EYA4: variants seen among roughly 807,000 people sequenced by gnomAD.
EYA4 encodes the protein EYA transcriptional coactivator and phosphatase 4.
Under a neutral mutation model 87.9 loss-of-function variants are expected in EYA4, and 31 were observed. That is an observed-to-expected ratio of 0.35 (90% CI 0.27 to 0.48). EYA4 has a LOEUF of 0.48. Ranked by LOEUF, EYA4 falls within the 20% of genes least tolerant of loss-of-function variation. The pLI is 0.99. For synonymous variants in EYA4, 263 were observed against 270.6 expected (o/e 0.97, Z 0.28); for missense variants, 678 against 761.4 (o/e 0.89, Z 1.29).
At chr6:133,385,071 G>A (rs930426954) in intron 3 of EYA4, among the ~76,000 whole-genome samples, 4 of 151,848 alleles carry the variant, frequency 2.6e-5, no homozygotes, top group African/African-American at 4.8e-5. Context: ...AGGCCGAGGC[G>A]GGCAGATGAT....
At chr6:133,493,465 AATAT>A (rs1296268046) in intron 13 of EYA4, among the ~76,000 whole-genome samples, 3 of 152,284 alleles carry the variant, frequency 2.0e-5, no homozygotes, top group African/African-American at 4.8e-5. Flanking sequence ...TAAAGACTTA[AATAT>A]AAGATCTCAA....
intron 13 of EYA4, among the ~76,000 whole-genome samples, chr6:133,505,866 G>A (rs1583492001): frequency 6.6e-6 from 1 of 152,112 alleles, no homozygotes; most frequent in Admixed American, 6.6e-5. Context: ...ACAGCTTTAT[G>A]TGAAAATGTA....
chr6:133,273,101 A>G (rs1051413172), intron 1 of EYA4, among the ~76,000 whole-genome samples: 7 of 134,694 alleles, frequency 5.2e-5, no homozygotes, highest in South Asian at 4.3e-4. Context: ...ATATATGTAT[A>G]TATATATATA....
intron 13 of EYA4, among the ~76,000 whole-genome samples, chr6:133,494,306 G>A (rs1583452941): frequency 6.6e-6 from 1 of 152,136 alleles, no homozygotes; most frequent in African/African-American, 2.4e-5. Context: ...AGTGAAATAA[G>A]CCAGGCACAA....
At chr6:133,332,785 A>G (rs891512576) in intron 2 of EYA4, among the ~76,000 whole-genome samples, 4 of 147,406 alleles carry the variant, frequency 2.7e-5, no homozygotes, top group Admixed American at 6.9e-5. Flanking sequence ...GATGGTCTCA[A>G]TCTCCTGACC....
At chr6:133,287,795 A>T (rs762849681) in intron 2 of EYA4, among the ~76,000 whole-genome samples, 3 of 152,176 alleles carry the variant, frequency 2.0e-5, no homozygotes, top group Non-Finnish European at 4.4e-5. Context: ...AGTACGAGAG[A>T]TGGCTTAGGG....
intron 9 of EYA4, 121 bp downstream of exon 9, chr6:133,462,885 A>G: frequency 1.1e-6 from 1 of 900,172 alleles, no homozygotes; most frequent in South Asian, 1.4e-5. Context: ...AGCTCACACA[A>G]TTTCTAAAGA....
chr6:133,528,998 A>G lies in EYA4; in HGVS notation c.*193A>G, dbSNP rs1434030823. ...TTTAGTGCTACAGAAAAGAAACTCT[A>G]TGGTCTTATATTTACAACACTTTAA... On this transcript the variant is annotated 3_prime_UTR_variant, in exon 20 of 20. Transcript: ENST00000355286. 4.3e-6 allele frequency: 6 copies of G among 1,404,662 alleles called. No homozygotes were observed. The highest frequency in any genetic ancestry group is 5.6e-6 in the Non-Finnish European group (6 of 1,079,802). The allele number at this position is 1,404,662 out of a possible 1,614,324, so 87.0% of individuals were successfully genotyped here. A position where few individuals can be genotyped will look rare whatever the true frequency, so the allele number is the denominator to read the frequency against.
At chr6:133,320,777 G>GT (rs528821387) in intron 2 of EYA4, among the ~76,000 whole-genome samples, 20 of 152,132 alleles carry the variant, frequency 1.3e-4, no homozygotes, top group Non-Finnish European at 2.4e-4. Flanking sequence ...AAAACATGCC[G>GT]TATTTGATTT....
chr6:133,379,183 G>A (rs917877423), intron 2 of EYA4, among the ~76,000 whole-genome samples: 7 of 152,044 alleles, frequency 4.6e-5, no homozygotes, highest in Non-Finnish European at 8.8e-5. Context: ...GAGACAGGAG[G>A]ATGGCTTACA....
chr6:133,340,347 C>T (rs1782689364), intron 2 of EYA4, among the ~76,000 whole-genome samples: 1 of 152,154 alleles, frequency 6.6e-6, no homozygotes, highest in Admixed American at 6.5e-5. Context: ...TCTTCTGCTG[C>T]CTTTGCCTCT....
chr6:133,296,797 G>A (rs749320079), intron 2 of EYA4, among the ~76,000 whole-genome samples: 177 of 151,982 alleles, frequency 1.2e-3, no homozygotes, highest in Admixed American at 5.4e-3. Flanking sequence ...TCTATCAGGT[G>A]TCCATTTATG....
chr6:133,319,280 A>C (rs939476898), intron 2 of EYA4, among the ~76,000 whole-genome samples: 19 of 152,382 alleles, frequency 1.2e-4, no homozygotes, highest in African/African-American at 4.6e-4. Flanking sequence ...ATAAGCCGGA[A>C]GTTGTGACTC....
chr6:133,410,589 C>CAA (rs779978372), intron 3 of EYA4, among the ~76,000 whole-genome samples: 2 of 129,308 alleles, frequency 1.5e-5, no homozygotes, highest in Non-Finnish European at 3.4e-5. Flanking sequence ...TCCTCCTAAC[C>CAA]AAAAAAAAAA....
At chr6:133,311,532 T>C (rs1256743959) in intron 2 of EYA4, among the ~76,000 whole-genome samples, 2 of 151,828 alleles carry the variant, frequency 1.3e-5, no homozygotes, top group Admixed American at 6.6e-5. Context: ...TTGCCCAGGC[T>C]GGTCTCAAAA....
intron 3 of EYA4, among the ~76,000 whole-genome samples, chr6:133,420,962 C>T (rs1404537545): frequency 6.6e-6 from 1 of 152,188 alleles, no homozygotes; most frequent in African/African-American, 2.4e-5. Flanking sequence ...ATCTGTCATA[C>T]GTTTCTTTTC....
At chr6:133,527,279 C>G (rs767714832) in intron 19 of EYA4, among the ~76,000 whole-genome samples, 1 of 152,070 alleles carries the variant, frequency 6.6e-6, no homozygotes, top group East Asian at 1.9e-4. Context: ...TAGATCTGAG[C>G]TGAATGAAAA....
At chr6:133,377,974 T>TCA (rs5880179) in intron 2 of EYA4, among the ~76,000 whole-genome samples, 4,543 of 150,704 alleles carry the variant, frequency 0.03, 197 homozygotes, top group African/African-American at 0.1. Flanking sequence ...TATATTATGT[T>TCA]CACACACACA....
chr6:133,277,570 A>G (rs1582825358), intron 2 of EYA4, among the ~76,000 whole-genome samples: 1 of 152,370 alleles, frequency 6.6e-6, no homozygotes, highest in Non-Finnish European at 1.5e-5. Context: ...GTTAGCTGCT[A>G]TCACAAATAC....
Sources: gnomAD v4.1 joint callset for allele counts (sites outside exome capture counted in the v4.1 genomes callset) on GRCh38, gnomAD v4.1.1 for gene constraint, MANE v1.5 for transcripts, NCBI Gene and HGNC (gene_info 2026-07-23, HGNC 2026-07-21) for gene names.